The following HMGXB4 variants were observed in gnomAD, a reference collection of about 807,000 sequenced individuals.
The protein encoded by HMGXB4 is HMG domain-containing protein 4.
Under a neutral mutation model 63.9 loss-of-function variants are expected in HMGXB4, and 27 were observed. The observed-to-expected ratio is 0.42, with a 90% CI of 0.31 to 0.58. The LOEUF is 0.58. HMGXB4 is among the 20% of genes least tolerant of loss of function. The probability of loss-of-function intolerance (pLI) is 0.13; values close to 1 mark genes in which losing one functional copy is unlikely to be tolerated. For synonymous variants in HMGXB4, 264 were observed against 265.3 expected (o/e 0.99, Z 0.05); for missense variants, 624 against 700.7 (o/e 0.89, Z 1.24).
intron 9 of HMGXB4, among the ~76,000 whole-genome samples, chr22:35,290,163 G>A (rs959512530): frequency 7.2e-5 from 11 of 152,130 alleles, no homozygotes; most frequent in East Asian, 1.9e-4. Context: ...TCATTCTTAC[G>A]TTTCGTAAGA....
chr22:35,283,045 A>G (rs569408140), intron 5 of HMGXB4, among the ~76,000 whole-genome samples: 1 of 152,232 alleles, frequency 6.6e-6, no homozygotes, highest in Non-Finnish European at 1.5e-5. Flanking sequence ...TGCCTCAGGT[A>G]GTACAGAGCT....
Position 35,262,167 on chromosome 22 carries a change from A to G in HMGXB4, c.-68-156A>G, listed in dbSNP as rs1349666146. 2.1e-5 allele frequency: 12 copies of G among 571,798 alleles called. No individual in the cohort carries two copies. The East Asian group carries it at 3.5e-4, about 17-fold the overall frequency. The allele number at this position is 571,798 out of a possible 1,614,324, so 35.4% of individuals were successfully genotyped here. A position where few individuals can be genotyped will look rare whatever the true frequency, so the allele number is the denominator to read the frequency against. On this transcript the variant is annotated intron_variant, in intron 1 of 10. Coordinates refer to ENST00000216106, the MANE Select transcript of HMGXB4 (RefSeq NM_001003681.3). ...GTATACTTCCTGCAGTATCAACCCC[A>G]CTGTATTTACAAAGAGAATGAGGAG... is the stretch of plus-strand genomic sequence containing the variant.
the HMGXB4 span, among the ~76,000 whole-genome samples, chr22:35,242,364 C>T: frequency 1.3e-5 from 2 of 152,028 alleles, no homozygotes; most frequent in Non-Finnish European, 2.9e-5. Context: ...GTAAAAAGAT[C>T]TATTTGTGGT....
chr22:35,258,535 T>C (rs1161948647), intron 1 of HMGXB4: 6 of 152,202 alleles, frequency 3.9e-5, no homozygotes, highest in Non-Finnish European at 8.8e-5. Flanking sequence ...GAGGATTCAA[T>C]CCCCATCCCC....
chr22:35,266,783 G>A (rs1923278284), intron 5 of HMGXB4, among the ~76,000 whole-genome samples: 1 of 152,122 alleles, frequency 6.6e-6, no homozygotes, highest in South Asian at 2.1e-4. Flanking sequence ...AAGAGTTCGG[G>A]ACCGGCCTGG....
chr22:35,287,443 A>C lies in HMGXB4; in HGVS notation c.1459A>C (p.Lys487Gln). The C allele has an allele frequency of 6.2e-7, 1 of 1,611,720 alleles. No homozygotes were observed. Among genetic ancestry groups the C allele is most frequent in the Non-Finnish European group, 8.5e-7 (1 of 1,178,134 alleles). ...RKASSSEGSM[K>Q]VKASSVGVLS... ...AGCATCCAGCTCAGAAGGTTCCATG[A>C]AAGTCAAAGGTAGTGACCACATCCC... Residue 487 changes from lysine to glutamine, a missense_variant, in exon 8 of 11, where the codon AAA becomes CAA. By Grantham distance (53) the Lys-to-Gln change is moderately conservative. Coordinates refer to ENST00000216106, the MANE Select transcript of HMGXB4 (RefSeq NM_001003681.3).
At chr22:35,279,366 C>T (rs1163949959) in intron 5 of HMGXB4, among the ~76,000 whole-genome samples, 1 of 151,730 alleles carries the variant, frequency 6.6e-6, no homozygotes, top group East Asian at 1.9e-4. Context: ...CTCGAACTCC[C>T]GACCTCAGAT....
chr22:35,271,462 C>T (rs1051960715), intron 5 of HMGXB4, among the ~76,000 whole-genome samples: 2 of 152,124 alleles, frequency 1.3e-5, no homozygotes, highest in Non-Finnish European at 2.9e-5. Flanking sequence ...TAATTGAGAT[C>T]GGGAGATTCA....
intron 9 of HMGXB4, among the ~76,000 whole-genome samples, chr22:35,289,201 G>A (rs1014045137): frequency 6.6e-6 from 1 of 152,062 alleles, no homozygotes; most frequent in Non-Finnish European, 1.5e-5. Context: ...GCCCATGTCT[G>A]TAATCCCAGC....
At chr22:35,242,561 T>A in the HMGXB4 span, among the ~76,000 whole-genome samples, 1 of 146,392 alleles carries the variant, frequency 6.8e-6, no homozygotes, top group Admixed American at 6.8e-5. Context: ...CTCTCTCTGA[T>A]CTTATCAAGG....
chr22:35,242,308 C>T, the HMGXB4 span, among the ~76,000 whole-genome samples: 89,386 of 151,694 alleles, frequency 0.59, 29,183 homozygotes, highest in Non-Finnish European at 0.72. Flanking sequence ...ATCTAGGCTG[C>T]TAAATTTAAA....
At chr22:35,257,587 G>C (rs939757280) in intron 1 of HMGXB4, 30 bp downstream of exon 1, 2 of 152,504 alleles carry the variant, frequency 1.3e-5, no homozygotes, top group Non-Finnish European at 2.9e-5. Flanking sequence ...CCAGGAGACC[G>C]GGCTGGGCCC....
At chr22:35,270,281 C>T (rs1447697924) in intron 5 of HMGXB4, among the ~76,000 whole-genome samples, 1 of 152,134 alleles carries the variant, frequency 6.6e-6, no homozygotes, top group Non-Finnish European at 1.5e-5. Flanking sequence ...GAGCACAAAC[C>T]CCAGCAGGTT....
chr22:35,276,273 A>AC (rs1923908816), intron 5 of HMGXB4, among the ~76,000 whole-genome samples: 1 of 152,232 alleles, frequency 6.6e-6, no homozygotes, highest in South Asian at 2.1e-4. Flanking sequence ...TCTCAGTCCA[A>AC]CAGAATGTCA....
upstream of HMGXB4, among the ~76,000 whole-genome samples, chr22:35,253,144 A>AAAAAAAGAAAAAAAAAAAAAAG (rs1922258903): frequency 1.6e-5 from 2 of 125,314 alleles, no homozygotes; most frequent in Admixed American, 8.7e-5. Context: ...AAAAAAAAAA[A>AAAAAAAGAAAAAAAAAAAAAAG]AAAAAAGAAA....
chr22:35,270,021 ATTGAAGAGG>A (rs1396999338), intron 5 of HMGXB4, among the ~76,000 whole-genome samples: 8 of 152,186 alleles, frequency 5.3e-5, no homozygotes, highest in Non-Finnish European at 1.0e-4. Context: ...GAGAAATAAA[ATTGAAGAGG>A]TTGATTCAAG....
At chr22:35,254,038 CGAAGACAAAGA>C (rs1922295793), upstream of HMGXB4, among the ~76,000 whole-genome samples, 1 of 152,016 alleles carries the variant, frequency 6.6e-6, no homozygotes. Context: ...CCCATCAGAC[CGAAGACAAAGA>C]CGCTGCTCAA....
At chr22:35,268,551 A>G (rs1923412572) in intron 5 of HMGXB4, among the ~76,000 whole-genome samples, 1 of 152,122 alleles carries the variant, frequency 6.6e-6, no homozygotes, top group African/African-American at 2.4e-5. Context: ...TGTGTTCTGC[A>G]TCTTCAGTGG....
At chr22:35,282,676 A>G (rs1924341921) in intron 5 of HMGXB4, among the ~76,000 whole-genome samples, 1 of 152,216 alleles carries the variant, frequency 6.6e-6, no homozygotes, top group African/African-American at 2.4e-5. Context: ...TCTTGGGCCC[A>G]TAATGCATGG....
Sources: gnomAD v4.1 joint callset for allele counts (sites outside exome capture counted in the v4.1 genomes callset) on GRCh38, gnomAD v4.1.1 for gene constraint, MANE v1.5 for transcripts, NCBI Gene and HGNC (gene_info 2026-07-23, HGNC 2026-07-21) for gene names.